FSTL5: variants seen among roughly 807,000 people sequenced by gnomAD.
The protein encoded by FSTL5 is follistatin-related protein 5.
Under a neutral mutation model 89.1 loss-of-function variants are expected in FSTL5, and 62 were observed. That is an observed-to-expected ratio of 0.70 (90% confidence interval 0.57 to 0.86). FSTL5 has a LOEUF of 0.86. Among genes scored for constraint, FSTL5 ranks in the 40% least tolerant of loss-of-function variants. The probability of loss-of-function intolerance (pLI) is 0.00; values close to 1 mark genes in which losing one functional copy is unlikely to be tolerated. For synonymous variants in FSTL5, 383 were observed against 346.2 expected (o/e 1.11, Z -1.18); for missense variants, 1,057 against 1,001.6 (o/e 1.06, Z -0.75).
At chr4:161,971,344 T>C (rs1209807531) in intron 3 of FSTL5, among the ~76,000 whole-genome samples, 1 of 152,170 alleles carries the variant, frequency 6.6e-6, no homozygotes, top group Non-Finnish European at 1.5e-5. Flanking sequence ...AAATTTATGT[T>C]ACAAATCCCA....
At chr4:161,766,014 C>T (rs780202475) in intron 5 of FSTL5, among the ~76,000 whole-genome samples, 35 of 152,120 alleles carry the variant, frequency 2.3e-4, no homozygotes, top group Admixed American at 2.0e-4. Flanking sequence ...AGGCCGGTCC[C>T]GAACTCCTTA....
intron 1 of FSTL5, among the ~76,000 whole-genome samples, chr4:162,111,953 T>G (rs768843043): frequency 1.3e-5 from 2 of 152,168 alleles, no homozygotes; most frequent in Non-Finnish European, 2.9e-5. Context: ...TTAATGTACT[T>G]TTTCAGTATT....
chr4:161,475,801 G>T (rs1171778931), intron 13 of FSTL5, among the ~76,000 whole-genome samples: 1 of 151,930 alleles, frequency 6.6e-6, no homozygotes, highest in Non-Finnish European at 1.5e-5. Context: ...CCAGGCTGGA[G>T]TGCAGTGGCG....
chr4:161,776,760 T>C (rs1361868674), intron 4 of FSTL5, among the ~76,000 whole-genome samples: 3 of 151,880 alleles, frequency 2.0e-5, no homozygotes, highest in African/African-American at 7.2e-5. Flanking sequence ...TGTCTGTACA[T>C]ATTTATGGGT....
intron 15 of FSTL5, among the ~76,000 whole-genome samples, chr4:161,414,227 A>G (rs1731695713): frequency 6.6e-6 from 1 of 152,212 alleles, no homozygotes; most frequent in African/African-American, 2.4e-5. Flanking sequence ...GTTTAATTCT[A>G]ACTCAAGATA....
chr4:161,424,555 T>C (rs1560888396), intron 15 of FSTL5, among the ~76,000 whole-genome samples: 1 of 152,088 alleles, frequency 6.6e-6, no homozygotes, highest in Non-Finnish European at 1.5e-5. Flanking sequence ...GGTTTTCTTT[T>C]GTAATATTCC....
chr4:161,800,940 T>A (rs1560853567), intron 4 of FSTL5, among the ~76,000 whole-genome samples: 1 of 151,532 alleles, frequency 6.6e-6, no homozygotes, highest in East Asian at 1.9e-4. Flanking sequence ...TTTATCGTAG[T>A]CTATGTGGAT....
intron 6 of FSTL5, among the ~76,000 whole-genome samples, chr4:161,679,295 T>C (rs1332785486): frequency 6.6e-6 from 1 of 151,804 alleles, no homozygotes; most frequent in Non-Finnish European, 1.5e-5. Flanking sequence ...CTAACATACA[T>C]TGAGTATCTA....
chr4:161,588,220 T>G (rs1022602236), intron 7 of FSTL5, among the ~76,000 whole-genome samples: 1 of 152,152 alleles, frequency 6.6e-6, no homozygotes, highest in African/African-American at 2.4e-5. Flanking sequence ...AAGATTAGCA[T>G]AGCTATAATG....
intron 4 of FSTL5, among the ~76,000 whole-genome samples, chr4:161,871,212 C>A (rs1315457854): frequency 6.6e-6 from 1 of 151,986 alleles, no homozygotes; most frequent in East Asian, 1.9e-4. Flanking sequence ...ACACAGATTA[C>A]TGAAATTAAT....
intron 6 of FSTL5, among the ~76,000 whole-genome samples, chr4:161,667,946 C>A (rs1250859280): frequency 6.6e-6 from 1 of 151,932 alleles, no homozygotes; most frequent in Non-Finnish European, 1.5e-5. Context: ...GGAAATCAAT[C>A]ATCTAAGCTT....
chr4:161,631,074 T>A (rs2126655954), intron 7 of FSTL5, among the ~76,000 whole-genome samples: 1 of 152,332 alleles, frequency 6.6e-6, no homozygotes, highest in Admixed American at 6.5e-5. Flanking sequence ...TGGCATTTTT[T>A]TGTATTGATT....
intron 1 of FSTL5, among the ~76,000 whole-genome samples, chr4:162,130,711 A>ATTAAAC (rs144940012): frequency 0.095 from 14,449 of 152,118 alleles, 863 homozygotes; most frequent in African/African-American, 0.16. Flanking sequence ...TATATGAATA[A>ATTAAAC]TTAAACTTAT....
intron 6 of FSTL5, 149 bp downstream of exon 6, chr4:161,759,262 T>C: frequency 1.5e-6 from 1 of 648,770 alleles, no homozygotes; most frequent in Non-Finnish European, 2.4e-6. Context: ...TTTTCATATG[T>C]TTCAATACAA....
At chr4:161,510,486 T>C (rs938126961) in intron 10 of FSTL5, 62 bp from the exon 11 acceptor site, 26 of 938,746 alleles carry the variant, frequency 2.8e-5, no homozygotes, top group Admixed American at 9.3e-5. Flanking sequence ...TTTTGCTATA[T>C]GGTAATATAA....
intron 3 of FSTL5, among the ~76,000 whole-genome samples, chr4:162,029,451 C>T (rs1217777318): frequency 1.3e-5 from 2 of 151,902 alleles, no homozygotes; most frequent in South Asian, 4.2e-4. Context: ...TGTTTAATGT[C>T]CTTGTAAAAT....
intron 4 of FSTL5, among the ~76,000 whole-genome samples, chr4:161,893,375 TGTTTTC>T (rs1733048306): frequency 6.6e-6 from 1 of 152,168 alleles, no homozygotes; most frequent in African/African-American, 2.4e-5. Context: ...CTAGAAAGAT[TGTTTTC>T]AAGTTCTATA....
intron 4 of FSTL5, among the ~76,000 whole-genome samples, chr4:161,882,789 C>T (rs1447393851): frequency 2.0e-5 from 3 of 152,032 alleles, no homozygotes; most frequent in African/African-American, 7.2e-5. Flanking sequence ...TTACAGAACT[C>T]GAGTTGTCTT....
chr4:161,567,235 A>G (rs1227355056), intron 8 of FSTL5, among the ~76,000 whole-genome samples: 1 of 152,176 alleles, frequency 6.6e-6, no homozygotes, highest in Admixed American at 6.6e-5. Context: ...ATCTAGCAGT[A>G]AAACAACACA....
Sources: gnomAD v4.1 joint callset for allele counts (sites outside exome capture counted in the v4.1 genomes callset) on GRCh38, gnomAD v4.1.1 for gene constraint, MANE v1.5 for transcripts, NCBI Gene and HGNC (gene_info 2026-07-23, HGNC 2026-07-21) for gene names.